EPHA3: variants seen among roughly 807,000 people sequenced by gnomAD.
EPHA3 encodes the protein EPH receptor A3, also known as ephrin type-A receptor 3.
Under a neutral mutation model 107.1 loss-of-function variants are expected in EPHA3, and 42 were observed. That is an observed-to-expected ratio of 0.39 (90% CI 0.31 to 0.51). EPHA3 has a LOEUF of 0.51. Ranked by LOEUF, EPHA3 falls within the 20% of genes least tolerant of loss-of-function variation. The pLI is 0.78. For missense variants in EPHA3, 1,183 were observed against 1,211.2 expected, an observed-to-expected ratio of 0.98 and a Z score of 0.35; for synonymous variants, 461 against 424.8, an observed-to-expected ratio of 1.09 and a Z score of -1.05.
chr3:89,424,656 G>A (rs749226893), intron 11 of EPHA3, among the ~76,000 whole-genome samples: 8 of 150,730 alleles, frequency 5.3e-5, no homozygotes, highest in African/African-American at 1.5e-4. Flanking sequence ...AATTAGGCAA[G>A]CAAATAAATA....
intron 3 of EPHA3, among the ~76,000 whole-genome samples, chr3:89,340,247 G>GT (rs1707487622): frequency 1.3e-5 from 2 of 152,094 alleles, no homozygotes; most frequent in Non-Finnish European, 2.9e-5. Context: ...CTCTCATCTA[G>GT]TAACAGTTCA....
intron 3 of EPHA3, among the ~76,000 whole-genome samples, chr3:89,327,810 A>G (rs1707199806): frequency 6.6e-6 from 1 of 151,962 alleles, no homozygotes; most frequent in South Asian, 2.1e-4. Context: ...AGGGCGTTAT[A>G]TCTGTAAATG....
chr3:89,302,123 G>A (rs1349782409), intron 3 of EPHA3, among the ~76,000 whole-genome samples: 1 of 151,978 alleles, frequency 6.6e-6, no homozygotes, highest in Non-Finnish European at 1.5e-5. Flanking sequence ...GTTAGAGGAT[G>A]GCATAGTGTC....
intron 3 of EPHA3, among the ~76,000 whole-genome samples, chr3:89,311,055 T>C (rs1375924082): frequency 1.3e-5 from 2 of 152,024 alleles, no homozygotes; most frequent in Non-Finnish European, 2.9e-5. Flanking sequence ...TAAAGGTCTG[T>C]AATGAAGATT....
At chr3:89,207,943 T>C (rs1211989409) in intron 2 of EPHA3, among the ~76,000 whole-genome samples, 1 of 152,188 alleles carries the variant, frequency 6.6e-6, no homozygotes, top group Non-Finnish European at 1.5e-5. Flanking sequence ...AACTTTAGCA[T>C]GTATCATGAA....
chr3:89,389,355 A>C (rs897215858), intron 5 of EPHA3, among the ~76,000 whole-genome samples: 7 of 152,218 alleles, frequency 4.6e-5, no homozygotes, highest in Admixed American at 2.6e-4. Context: ...TAATGCTTTT[A>C]AAGTCATGTC....
Position 89,481,561 on chromosome 3 carries a change from C to G in EPHA3, c.*2059C>G, listed in dbSNP as rs1450241433. ...CTGAGCATACTCAACAAAACCCATG[C>G]ATTTCATAAACTAATAGAAGTTGAG... On this transcript the variant is annotated 3_prime_UTR_variant, in exon 17 of 17. Coordinates refer to ENST00000336596, the MANE Select transcript of EPHA3 (RefSeq NM_005233.6). 1.7e-5 allele frequency: 4 copies of G among 232,396 alleles called. No individual in the cohort carries two copies. Among genetic ancestry groups the G allele is most frequent in the Non-Finnish European group, 3.4e-5 (4 of 117,496 alleles). The allele number at this position is 232,396 out of a possible 1,614,324, so 14.4% of individuals were successfully genotyped here. A position where few individuals can be genotyped will look rare whatever the true frequency, so the allele number is the denominator to read the frequency against.
intron 2 of EPHA3, among the ~76,000 whole-genome samples, chr3:89,149,632 C>T (rs1704646115): frequency 7.4e-6 from 1 of 135,096 alleles, no homozygotes; most frequent in Non-Finnish European, 1.6e-5. Flanking sequence ...TATCCCTCCC[C>T]CTCCCCCCTC....
intron 5 of EPHA3, among the ~76,000 whole-genome samples, chr3:89,383,672 G>C (rs1436494629): frequency 1.7e-5 from 2 of 117,988 alleles, no homozygotes; most frequent in East Asian, 4.7e-4. Flanking sequence ...TTTTTGAGAC[G>C]GAGTCTCACT....
Position 89,228,758 on chromosome 3 carries a change from A to G in EPHA3, c.814+18238A>G, listed in dbSNP as rs188400603. Among the ~76,000 whole-genome samples, 14 of 152,048 alleles carry G rather than the reference A, an allele frequency of 9.2e-5. No individual in the cohort carries two copies. In the East Asian group the frequency reaches 1.7e-3, roughly 19 times the overall value. ...CCAGAGAAGTATGTAAGGACGTATG[A>G]ATGGAAACATACACTTGATATTGAT... is the stretch of plus-strand genomic sequence containing the variant. On this transcript the variant is annotated intron_variant, in intron 3 of 16. Coordinates refer to ENST00000336596, the MANE Select transcript of EPHA3 (RefSeq NM_005233.6).
At chr3:89,220,520 C>G (rs1441654195) in intron 3 of EPHA3, among the ~76,000 whole-genome samples, 1 of 152,112 alleles carries the variant, frequency 6.6e-6, no homozygotes, top group Non-Finnish European at 1.5e-5. Flanking sequence ...GACTGACGTT[C>G]AGCGGGTAGA....
At chr3:89,434,654 C>G (rs1709632772) in intron 13 of EPHA3, among the ~76,000 whole-genome samples, 1 of 152,182 alleles carries the variant, frequency 6.6e-6, no homozygotes, top group Admixed American at 6.5e-5. Flanking sequence ...CTGGAGAACA[C>G]AGGGGGTTAA....
At chr3:89,175,994 TTTTG>T (rs1363638593) in intron 2 of EPHA3, among the ~76,000 whole-genome samples, 5 of 152,190 alleles carry the variant, frequency 3.3e-5, no homozygotes, top group Non-Finnish European at 5.9e-5. Context: ...TGCTTTTATT[TTTTG>T]TTTAAGTTTC....
chr3:89,234,716 T>TTCCCTTTTCTTTCCTTCCTTCCTTCC (rs1394188035), intron 3 of EPHA3, among the ~76,000 whole-genome samples: 2 of 150,130 alleles, frequency 1.3e-5, no homozygotes, highest in African/African-American at 4.9e-5. Context: ...CCCCCTTCCC[T>TTCCCTTTTCTTTCCTTCCTTCCTTCC]TCCCTTTTCT....
At chr3:89,148,143 C>T (rs537676307) in intron 2 of EPHA3, among the ~76,000 whole-genome samples, 1 of 151,790 alleles carries the variant, frequency 6.6e-6, no homozygotes, top group Non-Finnish European at 1.5e-5. Context: ...CACATGTGCT[C>T]TCTGTGTGTG....
intron 3 of EPHA3, among the ~76,000 whole-genome samples, chr3:89,306,423 G>A (rs1438276003): frequency 6.6e-6 from 1 of 152,104 alleles, no homozygotes; most frequent in Non-Finnish European, 1.5e-5. Context: ...ATTAGATGAT[G>A]CTATGAATAT....
chr3:89,449,511 C>T (rs1401418225), intron 14 of EPHA3, 137 bp downstream of exon 14: 12 of 648,146 alleles, frequency 1.9e-5, no homozygotes, highest in Admixed American at 3.3e-5. Flanking sequence ...AAACTGTTTC[C>T]AAGTCTTGCA....
At chr3:89,241,807 G>A (rs1441017831) in intron 3 of EPHA3, among the ~76,000 whole-genome samples, 1 of 151,884 alleles carries the variant, frequency 6.6e-6, no homozygotes, top group African/African-American at 2.4e-5. Flanking sequence ...GTATATTTCA[G>A]GTTTTTGAAA....
At chr3:89,453,909 A>C (rs1170229118) in intron 15 of EPHA3, among the ~76,000 whole-genome samples, 1 of 152,004 alleles carries the variant, frequency 6.6e-6, no homozygotes, top group Non-Finnish European at 1.5e-5. Flanking sequence ...GTGTCCCTCT[A>C]TTTGTCAGAG....
Sources: gnomAD v4.1 joint callset for allele counts (sites outside exome capture counted in the v4.1 genomes callset) on GRCh38, gnomAD v4.1.1 for gene constraint, MANE v1.5 for transcripts, NCBI Gene and HGNC (gene_info 2026-07-23, HGNC 2026-07-21) for gene names.